The following BCAS2 variants were observed in gnomAD, a reference collection of about 807,000 sequenced individuals.
The protein encoded by BCAS2 is BCAS2 pre-mRNA processing factor.
Under a neutral mutation model 35.3 loss-of-function variants are expected in BCAS2, and 34 were observed. The observed-to-expected ratio is 0.96, with a 90% CI of 0.73 to 1.28. The LOEUF (loss-of-function observed/expected upper bound fraction) is 1.28. Ranked by LOEUF, BCAS2 falls within the 50% of genes most tolerant of loss-of-function variation. The pLI is 0.00. For synonymous variants in BCAS2, 75 were observed against 91.6 expected (o/e 0.82, Z 1.03); for missense variants, 221 against 268.1 (o/e 0.82, Z 1.23).
At chr1:114,579,780 C>T (rs1424247007) in intron 2 of BCAS2, among the ~76,000 whole-genome samples, 2 of 152,064 alleles carry the variant, frequency 1.3e-5, no homozygotes, top group Non-Finnish European at 2.9e-5. Flanking sequence ...GCAGGAGAAT[C>T]ACTTGAGCCC....
At chr1:114,578,232 C>CA (rs1318163573) in intron 2 of BCAS2, among the ~76,000 whole-genome samples, 1 of 151,598 alleles carries the variant, frequency 6.6e-6, no homozygotes, top group Non-Finnish European at 1.5e-5. Flanking sequence ...AAACAAAAAA[C>CA]AAAAAATTTC....
intron 2 of BCAS2, among the ~76,000 whole-genome samples, chr1:114,577,840 C>T (rs1178980058): frequency 6.6e-6 from 1 of 152,172 alleles, no homozygotes; most frequent in African/African-American, 2.4e-5. Flanking sequence ...TTTCAACTAT[C>T]TTAACAATTA....
At chr1:114,575,192 T>C (rs1190205066) in intron 4 of BCAS2, among the ~76,000 whole-genome samples, 43 of 145,662 alleles carry the variant, frequency 3.0e-4, no homozygotes, top group African/African-American at 7.1e-4. Context: ...TTTTCTTTTT[T>C]TTTTTTTTTT....
intron 4 of BCAS2, among the ~76,000 whole-genome samples, chr1:114,571,578 T>G (rs1012834976): frequency 1.3e-5 from 2 of 152,076 alleles, no homozygotes; most frequent in Admixed American, 1.3e-4. Context: ...AGGCTGGTCT[T>G]GAACTCCTGG....
At chr1:114,576,847 C>A in intron 2 of BCAS2, 89 bp from the exon 3 acceptor site, 2 of 920,906 alleles carry the variant, frequency 2.2e-6, no homozygotes, top group South Asian at 1.5e-5. Flanking sequence ...AGCTACACTA[C>A]CCATTATAAT....
chr1:114,576,988 A>G (rs1250293382), intron 2 of BCAS2, among the ~76,000 whole-genome samples: 4 of 152,208 alleles, frequency 2.6e-5, no homozygotes, highest in African/African-American at 9.6e-5. Flanking sequence ...CACAGAGAAA[A>G]GGATTAATCC....
chr1:114,569,015 T>G (rs755653358), intron 6 of BCAS2, among the ~76,000 whole-genome samples: 18 of 152,080 alleles, frequency 1.2e-4, no homozygotes, highest in Non-Finnish European at 2.1e-4. Flanking sequence ...TCCTCCTACC[T>G]TGGCCTACCA....
rs1557929914 is a variant in BCAS2, at chr1:114,569,979, TA to T, written c.551+12del. ...TAAACAATTTAAAAGATGATGGAAT[TA>T]TAGATACTCACTTTGACTCCATTTC... is the stretch of plus-strand genomic sequence containing the variant. On this transcript the variant is annotated intron_variant, in intron 6 of 6. Transcript: ENST00000369541. 6.3e-7 allele frequency: 1 copy of T among 1,580,474 alleles called. No individual in the cohort carries two copies. The highest frequency in any genetic ancestry group is 8.7e-7 in the Non-Finnish European group (1 of 1,150,366).
chr1:114,574,123 T>C (rs1654705720), intron 4 of BCAS2, among the ~76,000 whole-genome samples: 1 of 152,220 alleles, frequency 6.6e-6, no homozygotes, highest in South Asian at 2.1e-4. Flanking sequence ...AAGCTAGAGC[T>C]AGTTACATGG....
intron 2 of BCAS2, among the ~76,000 whole-genome samples, chr1:114,577,124 G>A (rs1557932353): frequency 6.6e-6 from 1 of 152,160 alleles, no homozygotes; most frequent in Non-Finnish European, 1.5e-5. Flanking sequence ...TTAAGAGGTG[G>A]GGTCTTTAAG....
intron 2 of BCAS2, among the ~76,000 whole-genome samples, chr1:114,577,387 T>TTTTG (rs397938890): frequency 6.6e-6 from 1 of 152,142 alleles, no homozygotes; most frequent in Non-Finnish European, 1.5e-5. Context: ...ATTTTTTTTT[T>TTTTG]GTGAGACGAA....
chr1:114,573,824 T>C (rs897554031), intron 4 of BCAS2, among the ~76,000 whole-genome samples: 3 of 152,226 alleles, frequency 2.0e-5, no homozygotes, highest in Admixed American at 2.0e-4. Context: ...AATTCTGGAT[T>C]TTGTCCACTG....
At chr1:114,568,916 T>C (rs1200759904) in intron 6 of BCAS2, among the ~76,000 whole-genome samples, 1 of 151,572 alleles carries the variant, frequency 6.6e-6, no homozygotes, top group East Asian at 1.9e-4. Context: ...GTGCATGCCA[T>C]CATGCCTGGC....
At chr1:114,572,979 G>A (rs185964773) in intron 4 of BCAS2, among the ~76,000 whole-genome samples, 49 of 151,868 alleles carry the variant, frequency 3.2e-4, no homozygotes, top group African/African-American at 1.2e-3. Flanking sequence ...CAGGCGTGGT[G>A]GTGTCTATAA....
chr1:114,573,674 T>C (rs747500800), intron 4 of BCAS2, among the ~76,000 whole-genome samples: 3 of 152,228 alleles, frequency 2.0e-5, no homozygotes, highest in Non-Finnish European at 4.4e-5. Flanking sequence ...AAGAATCACA[T>C]TTTTCCATTT....
At chr1:114,579,840 T>C (rs1654845161) in intron 2 of BCAS2, among the ~76,000 whole-genome samples, 1 of 152,200 alleles carries the variant, frequency 6.6e-6, no homozygotes. Flanking sequence ...CACTCCAGCC[T>C]GGGTGACGTA....
At chr1:114,578,220 A>AAAAACAC (rs1654814335) in intron 2 of BCAS2, among the ~76,000 whole-genome samples, 1 of 152,124 alleles carries the variant, frequency 6.6e-6, no homozygotes, top group African/African-American at 2.4e-5. Flanking sequence ...CAAAAAAACA[A>AAAAACAC]AAAACAAAAA....
intron 2 of BCAS2, among the ~76,000 whole-genome samples, chr1:114,577,373 A>ATTTTT (rs151333752): frequency 6.0e-5 from 9 of 150,676 alleles, no homozygotes; most frequent in Non-Finnish European, 5.9e-5. Flanking sequence ...TTATTTATTT[A>ATTTTT]TTTATTTTTT....
chr1:114,579,791 G>A (rs554506344), intron 2 of BCAS2, among the ~76,000 whole-genome samples: 23 of 152,260 alleles, frequency 1.5e-4, no homozygotes, highest in African/African-American at 4.8e-4. Context: ...ACTTGAGCCC[G>A]GAAGGTGGAG....
Sources: gnomAD v4.1 joint callset for allele counts (sites outside exome capture counted in the v4.1 genomes callset) on GRCh38, gnomAD v4.1.1 for gene constraint, MANE v1.5 for transcripts, NCBI Gene and HGNC (gene_info 2026-07-23, HGNC 2026-07-21) for gene names.